Variants in PDE3A observed in about 807,000 individuals in gnomAD.
PDE3A encodes the protein phosphodiesterase 3A.
PDE3A carries 43 observed loss-of-function variants against 98.3 expected under a neutral mutation model. The observed-to-expected ratio is 0.44, with a 90% CI of 0.34 to 0.56. The LOEUF (loss-of-function observed/expected upper bound fraction) is 0.56, where lower values mean the gene tolerates loss of function less well. Among genes scored for constraint, PDE3A ranks in the 20% least tolerant of loss-of-function variants. The pLI, the probability that PDE3A is intolerant of heterozygous loss-of-function variation, is 0.01. For synonymous variants in PDE3A, 663 were observed against 567.9 expected, an observed-to-expected ratio of 1.17 and a Z score of -2.38; for missense variants, 1,427 against 1,440.7, an observed-to-expected ratio of 0.99 and a Z score of 0.15.
At chr12:20,672,725 A>T (rs1945519852) in intron 15 of PDE3A, among the ~76,000 whole-genome samples, 1 of 131,708 alleles carries the variant, frequency 7.6e-6, no homozygotes. Context: ...CTTAAACGTT[A>T]GACCTAAAAC....
chr12:20,670,034 C>A (rs961574577), intron 15 of PDE3A, among the ~76,000 whole-genome samples: 2 of 149,822 alleles, frequency 1.3e-5, no homozygotes, highest in African/African-American at 5.0e-5. Flanking sequence ...CAAAAAAAGG[C>A]AGGGATTGCA....
chr12:20,628,384 G>A (rs990039988), intron 5 of PDE3A, among the ~76,000 whole-genome samples: 4 of 152,042 alleles, frequency 2.6e-5, no homozygotes, highest in South Asian at 2.1e-4. Flanking sequence ...CGTAGAAACC[G>A]AAATAAAAAC....
intron 1 of PDE3A, among the ~76,000 whole-genome samples, chr12:20,470,464 G>T (rs1945417711): frequency 6.6e-6 from 1 of 151,986 alleles, no homozygotes; most frequent in South Asian, 2.1e-4. Context: ...TGAGAGGTTT[G>T]AACCTAGAAC....
intron 1 of PDE3A, among the ~76,000 whole-genome samples, chr12:20,467,421 A>G (rs971013668): frequency 1.8e-4 from 27 of 151,868 alleles, no homozygotes; most frequent in African/African-American, 5.3e-4. Context: ...GTTAATTTAT[A>G]CTCTAGATGT....
chr12:20,395,528 ATAG>A (rs1176114893), intron 1 of PDE3A, among the ~76,000 whole-genome samples: 9 of 147,686 alleles, frequency 6.1e-5, no homozygotes, highest in Non-Finnish European at 1.3e-4. Context: ...ATGTGTACAC[ATAG>A]TATAATATGT....
chr12:20,490,578 C>T (rs1945810113), intron 1 of PDE3A, among the ~76,000 whole-genome samples: 1 of 152,032 alleles, frequency 6.6e-6, no homozygotes, highest in Non-Finnish European at 1.5e-5. Context: ...AGACTCCAGT[C>T]CCCTATAAAA....
In PDE3A at chr12:20,537,754, A is replaced by T. The variant is rs77529174; in HGVS notation, c.961-18906A>T. Among the ~76,000 whole-genome samples, 1,239 of 152,156 alleles carry T rather than the reference A, an allele frequency of 8.1e-3. 12 individuals are homozygous for T. Among genetic ancestry groups the T allele is most frequent in the Non-Finnish European group, 8.4e-3 (568 of 67,980 alleles). ...ATCTTTTTCCCTGAAACAGCTATTA[A>T]ACCCAAGTTCTGTAATATATACTTC... On this transcript the variant is annotated intron_variant, in intron 1 of 15. Coordinates refer to ENST00000359062, the MANE Select transcript of PDE3A (RefSeq NM_000921.5).
intron 1 of PDE3A, among the ~76,000 whole-genome samples, chr12:20,535,624 TA>T (rs950134513): frequency 2.0e-5 from 3 of 151,940 alleles, no homozygotes; most frequent in South Asian, 2.1e-4. Context: ...CAACCACTAA[TA>T]AAAAAAATGT....
chr12:20,527,627 A>T (rs890588171), intron 1 of PDE3A, among the ~76,000 whole-genome samples: 1 of 152,192 alleles, frequency 6.6e-6, no homozygotes, highest in Non-Finnish European at 1.5e-5. Flanking sequence ...GCAAACCTGT[A>T]AAACATTATA....
At chr12:20,373,247 T>C (rs1016145) in intron 1 of PDE3A, among the ~76,000 whole-genome samples, 57,446 of 151,624 alleles carry the variant, frequency 0.38, 11,181 homozygotes, top group East Asian at 0.44. Context: ...TCAAACTACT[T>C]TTTTGGCTGC....
chr12:20,665,386 A>T (rs556304685), intron 15 of PDE3A, among the ~76,000 whole-genome samples: 2 of 152,316 alleles, frequency 1.3e-5, no homozygotes, highest in Admixed American at 6.5e-5. Context: ...CCTCAATTAA[A>T]GGATGTAATT....
At chr12:20,553,025 C>T in intron 1 of PDE3A, 1 of 1,497,478 alleles carries the variant, frequency 6.7e-7, no homozygotes. Context: ...CCAAGCACTT[C>T]TCGACAGGCG....
chr12:20,613,421 C>A, intron 2 of PDE3A, 22 bp from the exon 3 acceptor site: 1 of 1,613,016 alleles, frequency 6.2e-7, no homozygotes, highest in Non-Finnish European at 8.5e-7. Context: ...CTTGCCTGAT[C>A]TTGTCTTGGT....
At chr12:20,531,835 A>G (rs1033956430) in intron 1 of PDE3A, among the ~76,000 whole-genome samples, 2 of 152,206 alleles carry the variant, frequency 1.3e-5, no homozygotes, top group African/African-American at 4.8e-5. Flanking sequence ...AAGACTTGGA[A>G]TTATCAGAGG....
rs116931325 is a variant in PDE3A, at chr12:20,678,424, G to A, written c.3185-1606G>A. Among the ~76,000 whole-genome samples the A allele has an allele frequency of 3.3e-3, 500 of 152,142 alleles. 2 individuals are homozygous for A. Among genetic ancestry groups the A allele is most frequent in the Non-Finnish European group, 6.2e-3 (419 of 68,000 alleles). On this transcript the variant is annotated intron_variant, in intron 15 of 15. Transcript: ENST00000359062. ...AAGTACCAGATGCCTCTAGCCTACC[G>A]TCTTGAAGACACCCTCCAAGACAAG...
In PDE3A at chr12:20,630,021, G is replaced by T; in HGVS notation, c.1654G>T (p.Asp552Tyr). Reference sequence around the variant, plus strand: ...TGCAGTGCAGTTTCCAGAATCTGCTGACACAACTGCCAAACAAAGCCTAGG... The same window carrying T: ...TGCAGTGCAGTTTCCAGAATCTGCTTACACAACTGCCAAACAAAGCCTAGG... The part of the protein sequence containing the change: ...ISAVQFPESA[D>Y]TTAKQSLGSH... The change falls in exon 6 of 16, where the codon GAC becomes TAC. Residue 552 changes from aspartate to tyrosine, a missense_variant. By Grantham distance (160) the Asp-to-Tyr change is radical. This residue lies in a region of PDE3A where 1,012 missense variants were observed against 886.5 expected (regional missense o/e 1.14). Coordinates refer to ENST00000359062, the MANE Select transcript of PDE3A (RefSeq NM_000921.5). The T allele has an allele frequency of 6.2e-7, 1 of 1,613,936 alleles. No homozygotes were observed. Among genetic ancestry groups the T allele is most frequent in the South Asian group, 1.1e-5 (1 of 91,062 alleles).
chr12:20,507,583 C>A (rs117487814), intron 1 of PDE3A, among the ~76,000 whole-genome samples: 2 of 151,968 alleles, frequency 1.3e-5, no homozygotes, highest in African/African-American at 2.4e-5. Flanking sequence ...ACCTAACAGA[C>A]GCCTCATACT....
chr12:20,501,114 A>G (rs1946016918), intron 1 of PDE3A, among the ~76,000 whole-genome samples: 1 of 152,182 alleles, frequency 6.6e-6, no homozygotes, highest in African/African-American at 2.4e-5. Flanking sequence ...TATTACAGCT[A>G]AACAAGAAAA....
At chr12:20,526,933 T>TGTGTGTGTGTG (rs1946534981) in intron 1 of PDE3A, among the ~76,000 whole-genome samples, 1 of 129,040 alleles carries the variant, frequency 7.7e-6, no homozygotes, top group Admixed American at 8.0e-5. Flanking sequence ...TGTGTGTGTG[T>TGTGTGTGTGTG]TTGAGACCAA....
Sources: allele counts gnomAD v4.1 joint callset (sites outside exome capture counted in the v4.1 genomes callset), GRCh38; gene constraint gnomAD v4.1.1; regional missense constraint gnomAD v4.1.1; transcripts MANE v1.5; gene names NCBI Gene and HGNC (gene_info 2026-07-23, HGNC 2026-07-21).